The following GRIA2 variants were observed in gnomAD, a reference collection of about 807,000 sequenced individuals.
GRIA2 encodes the protein glutamate receptor 2.
Under a neutral mutation model 97.3 loss-of-function variants are expected in GRIA2, and 14 were observed. The observed-to-expected ratio is 0.14, with a 90% CI of 0.10 to 0.23. The LOEUF (loss-of-function observed/expected upper bound fraction) is 0.23. GRIA2 is among the 10% of genes least tolerant of loss of function. GRIA2 has a pLI of 1.00. For missense variants in GRIA2, 558 were observed against 1,069.8 expected (o/e 0.52, Z 6.67); for synonymous variants, 412 against 387.8 (o/e 1.06, Z -0.73).
At chr4:157,306,698 C>T (rs1400932969) in intron 3 of GRIA2, among the ~76,000 whole-genome samples, 1 of 152,096 alleles carries the variant, frequency 6.6e-6, no homozygotes, top group Non-Finnish European at 1.5e-5. Context: ...TTACTTGGCT[C>T]ATGGAAATGG....
intron 4 of GRIA2, among the ~76,000 whole-genome samples, chr4:157,315,669 A>C (rs1314072396): frequency 6.6e-6 from 1 of 152,024 alleles, no homozygotes; most frequent in East Asian, 1.9e-4. Flanking sequence ...CAGCCTCCTG[A>C]GTAGCTGGGA....
intron 2 of GRIA2, among the ~76,000 whole-genome samples, chr4:157,264,423 C>T (rs1731678347): frequency 1.3e-5 from 2 of 152,052 alleles, no homozygotes; most frequent in Non-Finnish European, 2.9e-5. Context: ...CCTGGTCTTT[C>T]TTGCATTGTG....
Position 157,285,420 on chromosome 4 carries a change from T to C in GRIA2, c.230-18132T>C, listed in dbSNP as rs1732793230. Among the ~76,000 whole-genome samples, 3 of 151,680 alleles carry C rather than the reference T, an allele frequency of 2.0e-5. 1 individual carries two copies. In the South Asian group the frequency reaches 6.2e-4, roughly 31 times the overall value. The stretch of plus-strand genomic sequence containing the variant: ...TTTTAAAGTAGAGGAATTTATAAAT[T>C]TTTTATGGTTTCTGCTCCCTGTGTC... On this transcript the variant is annotated intron_variant, in intron 2 of 15. Coordinates refer to ENST00000264426, the MANE Select transcript of GRIA2 (RefSeq NM_001083619.3).
chr4:157,291,367 G>T, intron 2 of GRIA2, among the ~76,000 whole-genome samples: 1 of 151,680 alleles, frequency 6.6e-6, no homozygotes, highest in East Asian at 1.9e-4. Flanking sequence ...ATTCAGAATT[G>T]GCTATGAATA....
At chr4:157,359,605 C>A (rs1162191269) in intron 12 of GRIA2, among the ~76,000 whole-genome samples, 1 of 152,090 alleles carries the variant, frequency 6.6e-6, no homozygotes, top group African/African-American at 2.4e-5. Flanking sequence ...TAGTATAGTG[C>A]ATTTTTCAAT....
intron 2 of GRIA2, among the ~76,000 whole-genome samples, chr4:157,260,410 C>G (rs769168415): frequency 1.1e-4 from 17 of 152,064 alleles, no homozygotes; most frequent in Non-Finnish European, 2.5e-4. Flanking sequence ...ATATTTTATG[C>G]TATTATTTAG....
intron 2 of GRIA2, among the ~76,000 whole-genome samples, chr4:157,264,570 C>T (rs1731683883): frequency 1.3e-5 from 2 of 152,074 alleles, no homozygotes; most frequent in Non-Finnish European, 2.9e-5. Flanking sequence ...ATTCTAACTG[C>T]AATCTTAATT....
At chr4:157,319,796 A>G (rs1251998121) in intron 5 of GRIA2, among the ~76,000 whole-genome samples, 1 of 152,152 alleles carries the variant, frequency 6.6e-6, no homozygotes, top group African/African-American at 2.4e-5. Flanking sequence ...GAATTGCTGA[A>G]TGCTTGATTG....
chr4:157,291,546 T>A (rs1395615213), intron 2 of GRIA2, among the ~76,000 whole-genome samples: 1 of 151,994 alleles, frequency 6.6e-6, no homozygotes, highest in Non-Finnish European at 1.5e-5. Flanking sequence ...AAAGGAAGAA[T>A]TATGAGCTGC....
intron 2 of GRIA2, among the ~76,000 whole-genome samples, chr4:157,272,997 T>A (rs766607541): frequency 1.3e-5 from 2 of 151,938 alleles, no homozygotes; most frequent in Non-Finnish European, 2.9e-5. Context: ...GGGTTCCACA[T>A]CCATGGATTC....
intron 2 of GRIA2, among the ~76,000 whole-genome samples, chr4:157,233,080 A>G (rs1379751241): frequency 2.6e-5 from 4 of 152,198 alleles, no homozygotes; most frequent in Non-Finnish European, 5.9e-5. Flanking sequence ...TTGCTATTAG[A>G]GGCAGAAGAC....
At chr4:157,331,491 G>C (rs573436464) in intron 6 of GRIA2, among the ~76,000 whole-genome samples, 2 of 151,984 alleles carry the variant, frequency 1.3e-5, no homozygotes, top group African/African-American at 4.8e-5. Flanking sequence ...AGACATTATT[G>C]TAAGAATTAT....
chr4:157,253,766 T>C (rs1453493473), intron 2 of GRIA2, among the ~76,000 whole-genome samples: 1 of 152,118 alleles, frequency 6.6e-6, no homozygotes, highest in African/African-American at 2.4e-5. Flanking sequence ...TACAATGAGA[T>C]AATTTCACTG....
intron 2 of GRIA2, among the ~76,000 whole-genome samples, chr4:157,301,519 G>T (rs1334320954): frequency 1.3e-5 from 2 of 152,136 alleles, no homozygotes; most frequent in Non-Finnish European, 2.9e-5. Context: ...CAGGTTTTCG[G>T]CAAATAAGGG....
chr4:157,241,093 T>G (rs1730489416), intron 2 of GRIA2, among the ~76,000 whole-genome samples: 1 of 152,204 alleles, frequency 6.6e-6, no homozygotes, highest in Non-Finnish European at 1.5e-5. Flanking sequence ...CCACATTTTC[T>G]TAATCCAGTT....
intron 2 of GRIA2, among the ~76,000 whole-genome samples, chr4:157,227,603 T>C (rs1470014300): frequency 6.6e-6 from 1 of 152,192 alleles, no homozygotes; most frequent in Admixed American, 6.5e-5. Context: ...AGTGCATTCA[T>C]TCAGAGCTAA....
At chr4:157,254,251 T>G (rs1237390932) in intron 2 of GRIA2, among the ~76,000 whole-genome samples, 1 of 152,078 alleles carries the variant, frequency 6.6e-6, no homozygotes, top group Non-Finnish European at 1.5e-5. Flanking sequence ...ATTTTCTGTG[T>G]GTACTATAAG....
intron 2 of GRIA2, among the ~76,000 whole-genome samples, chr4:157,254,750 A>T (rs920308722): frequency 1.3e-5 from 2 of 151,934 alleles, no homozygotes; most frequent in African/African-American, 4.8e-5. Context: ...TACTTCTACT[A>T]ATTTGTTCTT....
At chr4:157,338,882 G>C (rs1735421772) in intron 11 of GRIA2, among the ~76,000 whole-genome samples, 1 of 151,962 alleles carries the variant, frequency 6.6e-6, no homozygotes. Flanking sequence ...TACCCTAGTT[G>C]AGAAGAATAC....
Sources: allele counts gnomAD v4.1 joint callset (sites outside exome capture counted in the v4.1 genomes callset), GRCh38; gene constraint gnomAD v4.1.1; transcripts MANE v1.5; gene names NCBI Gene and HGNC (gene_info 2026-07-23, HGNC 2026-07-21).